The following DAPK2 variants were observed in gnomAD, a reference collection of about 807,000 sequenced individuals.
DAPK2 encodes the protein death-associated protein kinase 2.
A neutral mutation model predicts 44.1 loss-of-function variants in DAPK2; 35 were observed. The observed-to-expected ratio is 0.79, with a 90% CI of 0.61 to 1.05. DAPK2 has a LOEUF of 1.05. Ranked by LOEUF, DAPK2 falls within the 50% of genes least tolerant of loss-of-function variation. The pLI, the probability that DAPK2 is intolerant of heterozygous loss-of-function variation, is 0.00. For synonymous variants in DAPK2, 174 were observed against 182.6 expected (o/e 0.95, Z 0.38); for missense variants, 453 against 483.2 (o/e 0.94, Z 0.59).
At chr15:63,997,138 C>T (rs533078176) in intron 1 of DAPK2, among the ~76,000 whole-genome samples, 10 of 152,276 alleles carry the variant, frequency 6.6e-5, no homozygotes, top group African/African-American at 1.9e-4. Flanking sequence ...GTCATCACCA[C>T]CCCCAATTAG....
In DAPK2 at chr15:63,966,519, T is replaced by C. The variant is rs887475590; in HGVS notation, c.453+4904A>G. On this transcript the variant is annotated intron_variant, in intron 3 of 10. Coordinates refer to ENST00000261891, the Ensembl canonical transcript of DAPK2. This position sits in a 1 kb window ranked among gnomAD's most constrained non-coding sequence, Gnocchi z 5.5. ...AGGACTTGTCCAGGAATTGCAGTCC[T>C]TGTGGCCTAGACTTCCGTTCAAGTT... Among the ~76,000 whole-genome samples the C allele has an allele frequency of 6.6e-6, 1 of 152,202 alleles. No individual in the cohort carries two copies. Among genetic ancestry groups the C allele is most frequent in the African/African-American group, 2.4e-5 (1 of 41,440 alleles).
At chr15:63,922,625 C>T in intron 8 of DAPK2, 1 of 1,434,244 alleles carries the variant, frequency 7.0e-7, no homozygotes, top group South Asian at 1.5e-5. Flanking sequence ...GAAGGCTATA[C>T]TACAGACACA....
intron 2 of DAPK2, among the ~76,000 whole-genome samples, chr15:63,979,423 C>A (rs1051079487): frequency 6.6e-6 from 1 of 152,176 alleles, no homozygotes; most frequent in South Asian, 2.1e-4. Flanking sequence ...GGAAGCCCTG[C>A]ACCAGACAAC....
At chr15:63,964,548 T>C (rs552628724) in intron 3 of DAPK2, among the ~76,000 whole-genome samples, 33 of 152,310 alleles carry the variant, frequency 2.2e-4, no homozygotes, top group African/African-American at 7.5e-4. Context: ...TTTCTACCTC[T>C]ATCTCTCTAC....
intron 3 of DAPK2, among the ~76,000 whole-genome samples, chr15:63,955,473 A>G (rs986479263): frequency 2.6e-5 from 4 of 152,154 alleles, no homozygotes; most frequent in African/African-American, 9.7e-5. Flanking sequence ...TGGTTTTGGT[A>G]TAAGGATAAT....
chr15:63,980,790 C>T lies in DAPK2; in HGVS notation c.314+2743G>A, dbSNP rs2078481771. 3.3e-5 allele frequency among the ~76,000 whole-genome samples: 2 copies of T among 61,224 alleles called. No homozygotes were observed. The highest frequency in any genetic ancestry group is 7.3e-4 in the South Asian group (2 of 2,722). The allele number at this position is 61,224 out of a possible 152,430, so 40.2% of individuals were successfully genotyped here. On this transcript the variant is annotated intron_variant, in intron 2 of 10. Transcript: ENST00000261891. This position sits in a 1 kb window ranked among gnomAD's most constrained non-coding sequence, Gnocchi z 4.3. ...AATGCGGCCGTATTAGGCAGTGGGA[C>T]CTTTAAGACGTGATTGGGTCGGGGT...
intron 1 of DAPK2, among the ~76,000 whole-genome samples, chr15:64,026,219 G>A (rs1318321699): frequency 6.6e-6 from 1 of 152,082 alleles, no homozygotes; most frequent in African/African-American, 2.4e-5. Context: ...CTACAGCTGA[G>A]GTGATAGGGT....
intron 10 of DAPK2, among the ~76,000 whole-genome samples, chr15:63,910,171 G>A (rs1360908842): frequency 3.0e-5 from 4 of 132,554 alleles, no homozygotes; most frequent in African/African-American, 9.4e-5. Flanking sequence ...CATAGGAGAC[G>A]AGGAAAGCAG....
At chr15:64,002,184 G>A (rs2079102163) in intron 1 of DAPK2, among the ~76,000 whole-genome samples, 1 of 152,202 alleles carries the variant, frequency 6.6e-6, no homozygotes, top group Non-Finnish European at 1.5e-5. Context: ...CTCCAAGGTG[G>A]CACCTCTGAT....
At chr15:64,016,681 C>T (rs750580391) in intron 1 of DAPK2, among the ~76,000 whole-genome samples, 2 of 151,930 alleles carry the variant, frequency 1.3e-5, no homozygotes, top group Non-Finnish European at 2.9e-5. Flanking sequence ...TAGTCCTAGC[C>T]GCTTCAGAGG....
At chr15:64,019,887 AACTTC>A (rs2079635560) in intron 1 of DAPK2, among the ~76,000 whole-genome samples, 3 of 152,322 alleles carry the variant, frequency 2.0e-5, no homozygotes, top group Admixed American at 1.3e-4. Context: ...GAGGTTGGTG[AACTTC>A]TATCCTCTGA....
At chr15:63,933,730 C>A (rs2077045846) in intron 4 of DAPK2, among the ~76,000 whole-genome samples, 1 of 151,830 alleles carries the variant, frequency 6.6e-6, no homozygotes, top group Non-Finnish European at 1.5e-5. Flanking sequence ...TCCCAAGTAG[C>A]TGGGACCACA....
chr15:63,964,675 C>T (rs1329419478), intron 3 of DAPK2, among the ~76,000 whole-genome samples: 1 of 151,786 alleles, frequency 6.6e-6, no homozygotes, highest in Non-Finnish European at 1.5e-5. Flanking sequence ...TTCGAATAGT[C>T]TATCTTCAAG....
At chr15:63,960,298 C>T (rs1226798947) in intron 3 of DAPK2, among the ~76,000 whole-genome samples, 4 of 152,146 alleles carry the variant, frequency 2.6e-5, no homozygotes, top group Non-Finnish European at 5.9e-5. Flanking sequence ...TTTCAAAAAA[C>T]CAGCTCCTGG....
In DAPK2 at chr15:63,933,955, T is replaced by C. The variant is rs1476482609; in HGVS notation, c.584-3500A>G. Among the ~76,000 whole-genome samples the C allele has an allele frequency of 2.6e-5, 4 of 152,322 alleles. No individual in the cohort carries two copies. In the East Asian group the frequency reaches 7.7e-4, roughly 29 times the overall value. ...AAGCAGAACTCACTTTCTCATGCCATTGATCTGAGATACATACACTTTTAT... is the reference window on the plus strand; with the variant it reads ...AAGCAGAACTCACTTTCTCATGCCACTGATCTGAGATACATACACTTTTAT... On this transcript the variant is annotated intron_variant, in intron 4 of 10. Coordinates refer to ENST00000261891, the Ensembl canonical transcript of DAPK2.
intron 1 of DAPK2, among the ~76,000 whole-genome samples, chr15:64,026,003 T>C (rs1224609164): frequency 6.6e-6 from 1 of 152,144 alleles, no homozygotes; most frequent in East Asian, 1.9e-4. Context: ...AGGGCTATAG[T>C]TTTCTGTGCC....
rs11854049 is a variant in DAPK2, at chr15:63,908,483, C to A, written c.*37G>T. Reference sequence around the variant, plus strand: ...CTGCACAGAAGGGAGCCCCGCTGGGCCCAGACCTCCCTGGCGGCCACTGCA... The same window carrying A: ...CTGCACAGAAGGGAGCCCCGCTGGGACCAGACCTCCCTGGCGGCCACTGCA... On this transcript the variant is annotated 3_prime_UTR_variant, in exon 11 of 11. Transcript: ENST00000261891. This position sits in a 1 kb window ranked among gnomAD's most constrained non-coding sequence, Gnocchi z 5.7. 2.9e-3 allele frequency: 4,348 copies of A among 1,475,118 alleles called. 116 individuals are homozygous for A. The African/African-American group carries it at 0.055, about 19-fold the overall frequency. 91.4% of individuals were successfully genotyped at this position (1,475,118 alleles called of 1,614,324 possible).
chr15:64,040,046 G>C, intron 1 of DAPK2, 124 bp downstream of exon 2: 1 of 717,262 alleles, frequency 1.4e-6, no homozygotes, highest in Non-Finnish European at 2.5e-6. Flanking sequence ...TAATCCTCAG[G>C]CTCATTTTTA....
chr15:64,008,401 C>T (rs2079296491), intron 1 of DAPK2, among the ~76,000 whole-genome samples: 1 of 152,140 alleles, frequency 6.6e-6, no homozygotes, highest in African/African-American at 2.4e-5. Flanking sequence ...GTTACAGTCA[C>T]AGAGCCAATT....
Sources: gnomAD v4.1 joint callset for allele counts (sites outside exome capture counted in the v4.1 genomes callset) on GRCh38, gnomAD v4.1.1 for gene constraint, Gnocchi (gnomAD v3.1) non-coding constraint, MANE v1.5 for transcripts, NCBI Gene and HGNC (gene_info 2026-07-23, HGNC 2026-07-21) for gene names.